Variants in PLCB4 observed in about 807,000 individuals in gnomAD.
PLCB4 encodes phospholipase C beta 4, also known as 1-phosphatidylinositol 4,5-bisphosphate phosphodiesterase beta-4.
In PLCB4, 77 loss-of-function variants were observed where a neutral mutation model predicts 178.8. The observed-to-expected ratio is 0.43, with a 90% CI of 0.36 to 0.52. The LOEUF is 0.52. Among genes scored for constraint, PLCB4 ranks in the 20% least tolerant of loss-of-function variants. PLCB4 has a pLI of 0.00. For missense variants in PLCB4, 1,024 were observed against 1,453.4 expected, an observed-to-expected ratio of 0.70 and a Z score of 4.80; for synonymous variants, 496 against 490.8, an observed-to-expected ratio of 1.01 and a Z score of -0.14.
chr20:9,456,147 T>C (rs988496796), intron 33 of PLCB4, among the ~76,000 whole-genome samples: 1 of 152,214 alleles, frequency 6.6e-6, no homozygotes, highest in African/African-American at 2.4e-5. Flanking sequence ...TCCTGGACTT[T>C]TAACTGCAAC....
rs367829824 is a variant in PLCB4 at position 9,280,357 on chromosome 20, A to G, written c.-15-27443A>G. The G allele has an allele frequency of 2.0e-5, 12 of 610,912 alleles. No individual in the cohort carries two copies. The East Asian group carries it at 9.8e-4, about 50-fold the overall frequency. 37.8% of individuals were successfully genotyped at this position (610,912 alleles called of 1,614,324 possible). ...AAGTTTCAAAACACTGGCTCTTCAC[A>G]TTGGATTTCCAAGTTGGGAAGAGAA... On this transcript the variant is annotated intron_variant, in intron 3 of 39. Coordinates refer to ENST00000378473, the MANE Select transcript of PLCB4 (RefSeq NM_001377142.1).
chr20:9,075,113 C>T (rs1230115938), intron 1 of PLCB4, among the ~76,000 whole-genome samples: 1 of 152,072 alleles, frequency 6.6e-6, no homozygotes, highest in African/African-American at 2.4e-5. Flanking sequence ...CCAGTTTATA[C>T]TTGGGGAAAC....
At chr20:9,300,868 A>C (rs2094694182) in intron 3 of PLCB4, among the ~76,000 whole-genome samples, 1 of 152,056 alleles carries the variant, frequency 6.6e-6, no homozygotes, top group Non-Finnish European at 1.5e-5. Context: ...CTACTATAAA[A>C]AATTAGCACA....
chr20:9,374,780 C>T (rs2036532763), intron 12 of PLCB4, among the ~76,000 whole-genome samples: 1 of 152,162 alleles, frequency 6.6e-6, no homozygotes, highest in Non-Finnish European at 1.5e-5. Flanking sequence ...TCCCAACAGT[C>T]ACTCCTGTAA....
chr20:9,146,873 G>A (rs1469104814), intron 2 of PLCB4, among the ~76,000 whole-genome samples: 1 of 152,164 alleles, frequency 6.6e-6, no homozygotes, highest in East Asian at 1.9e-4. Context: ...TTTTGTTTAA[G>A]TGTAAATAGA....
At chr20:9,442,524 A>G (rs1262283851) in intron 30 of PLCB4, among the ~76,000 whole-genome samples, 3 of 152,202 alleles carry the variant, frequency 2.0e-5, no homozygotes, top group African/African-American at 7.2e-5. Flanking sequence ...ACCAAGACAA[A>G]AAGAAAATAA....
rs1600509328 is a variant in PLCB4 at position 9,115,450 on chromosome 20, T to G, written c.-79+19108T>G. 5.3e-5 allele frequency among the ~76,000 whole-genome samples: 8 copies of G among 152,014 alleles called. 1 individual carries two copies. On this transcript the variant is annotated intron_variant, in intron 2 of 39. Coordinates refer to ENST00000378473, the MANE Select transcript of PLCB4 (RefSeq NM_001377142.1). ...TTCTTCTTCTTTTTTTTTAATACTT[T>G]AAGTTTTAGGGTACATGTGCACAAT...
chr20:9,361,195 A>G (rs2035294613), intron 7 of PLCB4, among the ~76,000 whole-genome samples: 1 of 152,250 alleles, frequency 6.6e-6, no homozygotes, highest in African/African-American at 2.4e-5. Flanking sequence ...ATAAGAATTG[A>G]AAGCAGTAAC....
At chr20:9,354,563 G>A (rs149795757) in intron 7 of PLCB4, among the ~76,000 whole-genome samples, 3 of 152,270 alleles carry the variant, frequency 2.0e-5, no homozygotes, top group Non-Finnish European at 2.9e-5. Flanking sequence ...GGGCACTTCC[G>A]GTAAATTCCT....
chr20:9,150,864 G>A (rs1389585081), intron 2 of PLCB4, among the ~76,000 whole-genome samples: 2 of 152,160 alleles, frequency 1.3e-5, no homozygotes, highest in Non-Finnish European at 2.9e-5. Context: ...AAACATTTCA[G>A]CTGTTGCCAT....
At chr20:9,301,351 A>G (rs1362237849) in intron 3 of PLCB4, among the ~76,000 whole-genome samples, 7 of 151,936 alleles carry the variant, frequency 4.6e-5, no homozygotes, top group Non-Finnish European at 5.9e-5. Context: ...ACTCTCTACC[A>G]GAACGTGAGG....
chr20:9,437,211 A>C (rs768113480), intron 30 of PLCB4, 59 bp downstream of exon 30: 4 of 1,435,668 alleles, frequency 2.8e-6, no homozygotes, highest in Non-Finnish European at 3.9e-6. Flanking sequence ...CACAGTGTAC[A>C]ATATCTATAG....
chr20:9,187,437 C>T (rs1466887294), intron 2 of PLCB4, among the ~76,000 whole-genome samples: 4 of 152,202 alleles, frequency 2.6e-5, no homozygotes, highest in African/African-American at 9.7e-5. Context: ...ACTCTTCTGT[C>T]TTCTGTTTTC....
At chr20:9,262,315 G>A (rs943905721) in intron 3 of PLCB4, among the ~76,000 whole-genome samples, 4 of 151,618 alleles carry the variant, frequency 2.6e-5, no homozygotes, top group Admixed American at 2.6e-4. Context: ...AGGTGAGTGA[G>A]CGAGTGAGTG....
At chr20:9,355,850 T>C in intron 7 of PLCB4, among the ~76,000 whole-genome samples, 1 of 152,128 alleles carries the variant, frequency 6.6e-6, no homozygotes, top group Non-Finnish European at 1.5e-5. Flanking sequence ...TTTCTAGTTC[T>C]AGATCCCTGA....
intron 3 of PLCB4, among the ~76,000 whole-genome samples, chr20:9,246,078 A>G (rs530932957): frequency 1.2e-4 from 19 of 152,314 alleles, no homozygotes; most frequent in African/African-American, 4.3e-4. Context: ...AGATAATTTT[A>G]TATAGCTCTT....
At chr20:9,219,205 C>G (rs2093768404) in intron 3 of PLCB4, among the ~76,000 whole-genome samples, 1 of 152,290 alleles carries the variant, frequency 6.6e-6, no homozygotes, top group South Asian at 2.1e-4. Context: ...CGCGGTGGCT[C>G]ACGCCTGCAA....
intron 3 of PLCB4, among the ~76,000 whole-genome samples, chr20:9,258,714 CAAAAAAAAAA>C (rs969525907): frequency 1.6e-5 from 1 of 62,780 alleles, no homozygotes; most frequent in Non-Finnish European, 3.4e-5. Context: ...GACTTCCTCT[CAAAAAAAAAA>C]AAAAAAAAAA....
chr20:9,366,265 G>T (rs13042017), intron 9 of PLCB4, among the ~76,000 whole-genome samples: 10,428 of 151,850 alleles, frequency 0.069, 396 homozygotes, highest in Middle Eastern at 0.099. Flanking sequence ...GGGTGTGGTG[G>T]CAGGCACCTG....
Sources: allele counts gnomAD v4.1 joint callset (sites outside exome capture counted in the v4.1 genomes callset), GRCh38; gene constraint gnomAD v4.1.1; transcripts MANE v1.5; gene names NCBI Gene and HGNC (gene_info 2026-07-23, HGNC 2026-07-21).